KCNIP4: variants seen among roughly 807,000 people sequenced by gnomAD.
The protein encoded by KCNIP4 is Kv channel-interacting protein 4.
Under a neutral mutation model 34.0 loss-of-function variants are expected in KCNIP4, and 12 were observed. That is an observed-to-expected ratio of 0.35 (90% CI 0.23 to 0.57). The LOEUF is 0.57. Among genes scored for constraint, KCNIP4 ranks in the 20% least tolerant of loss-of-function variants. The pLI is 0.83. For missense variants in KCNIP4, 238 were observed against 311.7 expected, an observed-to-expected ratio of 0.76 and a Z score of 1.78; for synonymous variants, 124 against 102.2, an observed-to-expected ratio of 1.21 and a Z score of -1.29.
intron 1 of KCNIP4, among the ~76,000 whole-genome samples, chr4:21,789,931 A>C (rs1411908576): frequency 1.3e-5 from 2 of 152,198 alleles, no homozygotes; most frequent in Admixed American, 6.5e-5. Flanking sequence ...ATTGATTTGA[A>C]TAGGAACCCA....
chr4:20,923,742 C>T (rs559644188), intron 1 of KCNIP4, among the ~76,000 whole-genome samples: 11 of 152,250 alleles, frequency 7.2e-5, no homozygotes, highest in South Asian at 2.1e-4. Context: ...TCTTGTTTGT[C>T]ATGTTAAACT....
In KCNIP4 at chr4:20,760,592, C is replaced by T. The variant is rs117983147; in HGVS notation, c.289-1702G>A. On this transcript the variant is annotated intron_variant, in intron 3 of 8. Coordinates refer to ENST00000382152, the MANE Select transcript of KCNIP4 (RefSeq NM_025221.6). ...GTGAATTTGTGTTTACAGAGCTTCT[C>T]GATATGGTTTTATCCCATTTGTTAA... Among the ~76,000 whole-genome samples, 51 of 152,204 alleles carry T rather than the reference C, an allele frequency of 3.4e-4. No homozygotes were observed. In the East Asian group the frequency reaches 5.2e-3, roughly 16 times the overall value.
intron 1 of KCNIP4, among the ~76,000 whole-genome samples, chr4:21,856,516 C>T (rs925825798): frequency 6.6e-6 from 1 of 152,176 alleles, no homozygotes; most frequent in Non-Finnish European, 1.5e-5. Flanking sequence ...GAAGCTCCAC[C>T]CCCTTCTGAG....
intron 1 of KCNIP4, chr4:21,762,790 G>T: frequency 1.9e-6 from 1 of 532,978 alleles, no homozygotes. Flanking sequence ...CCATCTTCCA[G>T]TCATGACTCT....
intron 1 of KCNIP4, among the ~76,000 whole-genome samples, chr4:21,936,973 C>T (rs911245436): frequency 6.6e-6 from 1 of 152,032 alleles, no homozygotes; most frequent in Non-Finnish European, 1.5e-5. Context: ...AGACTCTATT[C>T]CTTATCCAGT....
At chr4:20,731,888 G>C (rs1748341325) in intron 8 of KCNIP4, 118 bp downstream of exon 8, 1 of 1,478,634 alleles carries the variant, frequency 6.8e-7, no homozygotes, top group Non-Finnish European at 9.0e-7. Flanking sequence ...TGTTGTAGAA[G>C]TGGTAAACTT....
chr4:21,201,495 T>C (rs1295352210), intron 1 of KCNIP4, among the ~76,000 whole-genome samples: 6 of 152,170 alleles, frequency 3.9e-5, no homozygotes, highest in Non-Finnish European at 8.8e-5. Context: ...CTACTGCCCA[T>C]TTATTTTTAT....
intron 1 of KCNIP4, among the ~76,000 whole-genome samples, chr4:21,415,271 A>C (rs892756132): frequency 6.6e-6 from 1 of 152,086 alleles, no homozygotes; most frequent in African/African-American, 2.4e-5. Context: ...AAAGAGTGGA[A>C]TGAATGGTGG....
intron 1 of KCNIP4, among the ~76,000 whole-genome samples, chr4:21,461,973 T>C (rs898498484): frequency 9.2e-5 from 14 of 152,186 alleles, no homozygotes; most frequent in Admixed American, 3.3e-4. Flanking sequence ...AATATATGTA[T>C]ATAATGCATG....
At chr4:21,720,227 T>A (rs2109093939) in intron 1 of KCNIP4, among the ~76,000 whole-genome samples, 1 of 152,182 alleles carries the variant, frequency 6.6e-6, no homozygotes, top group Non-Finnish European at 1.5e-5. Context: ...GCCAGTTGCG[T>A]TCAATACCAC....
intron 1 of KCNIP4, among the ~76,000 whole-genome samples, chr4:20,961,174 A>G (rs1182993310): frequency 2.0e-5 from 3 of 152,212 alleles, no homozygotes; most frequent in African/African-American, 7.2e-5. Context: ...TATTTTTTCT[A>G]TCTTTTCAAA....
rs185361057 is a variant in KCNIP4 at position 21,517,338 on chromosome 4, G to C, written c.61+431233C>G. Reference sequence around the variant, plus strand: ...TTACTCTGCCTCACATACCAGAGGAGCCCAGTCATAAATGACACAGGAAAG... The same window carrying C: ...TTACTCTGCCTCACATACCAGAGGACCCCAGTCATAAATGACACAGGAAAG... On this transcript the variant is annotated intron_variant, in intron 1 of 8. Coordinates refer to ENST00000382152, the MANE Select transcript of KCNIP4 (RefSeq NM_025221.6). Among the ~76,000 whole-genome samples, 320 of 152,230 alleles carry C rather than the reference G, an allele frequency of 2.1e-3. 1 individual carries two copies. Among genetic ancestry groups the C allele is most frequent in the Non-Finnish European group, 2.5e-3 (169 of 68,032 alleles).
intron 1 of KCNIP4, among the ~76,000 whole-genome samples, chr4:21,069,517 C>A (rs1290771544): frequency 3.3e-5 from 5 of 152,130 alleles, no homozygotes; most frequent in African/African-American, 1.2e-4. Context: ...TGTCTTCTAG[C>A]AGTTTCCTTT....
chr4:21,274,272 T>C (rs1762314085), intron 1 of KCNIP4, among the ~76,000 whole-genome samples: 1 of 152,136 alleles, frequency 6.6e-6, no homozygotes, highest in African/African-American at 2.4e-5. Flanking sequence ...ATCAAAGAAG[T>C]ATAAGGACAG....
intron 1 of KCNIP4, among the ~76,000 whole-genome samples, chr4:21,812,471 A>T (rs1217246133): frequency 1.3e-5 from 2 of 152,326 alleles, no homozygotes; most frequent in East Asian, 1.9e-4. Flanking sequence ...AACTAAAAAA[A>T]GTAAACAACA....
chr4:21,582,864 C>G (rs1263478332), intron 1 of KCNIP4, among the ~76,000 whole-genome samples: 1 of 151,846 alleles, frequency 6.6e-6, no homozygotes, highest in Non-Finnish European at 1.5e-5. Context: ...ATGAAGTAGT[C>G]TTTTGGGAAG....
At chr4:21,064,709 C>A (rs1276936341) in intron 1 of KCNIP4, among the ~76,000 whole-genome samples, 1 of 152,016 alleles carries the variant, frequency 6.6e-6, no homozygotes, top group East Asian at 1.9e-4. Context: ...TTATTGAGTG[C>A]TATTCAAGGG....
chr4:21,462,335 G>C (rs1387419477), intron 1 of KCNIP4, among the ~76,000 whole-genome samples: 3 of 152,142 alleles, frequency 2.0e-5, no homozygotes, highest in Non-Finnish European at 4.4e-5. Flanking sequence ...CGGAAGGCAA[G>C]GGGGAGCAAG....
At chr4:21,828,073 T>C (rs894109332) in intron 1 of KCNIP4, among the ~76,000 whole-genome samples, 3 of 150,436 alleles carry the variant, frequency 2.0e-5, no homozygotes, top group African/African-American at 7.3e-5. Context: ...CTTAGAATTA[T>C]CTCCATTGGA....
Sources: gnomAD v4.1 joint callset for allele counts (sites outside exome capture counted in the v4.1 genomes callset) on GRCh38, gnomAD v4.1.1 for gene constraint, MANE v1.5 for transcripts, NCBI Gene and HGNC (gene_info 2026-07-23, HGNC 2026-07-21) for gene names.